The following DCAF8L2 variants were observed in gnomAD, a reference collection of about 807,000 sequenced individuals.
The protein encoded by DCAF8L2 is DDB1 and CUL4 associated factor 8 like 2, also known as DDB1- and CUL4-associated factor 8-like protein 2.
For synonymous variants in DCAF8L2, 200 were observed against 190.9 expected (o/e 1.05, Z -0.39); for missense variants, 430 against 490.7 (o/e 0.88, Z 1.17).
chrX:27,730,410 T>G (rs1214865692), intron 4 of DCAF8L2, among the ~76,000 whole-genome samples: 1 of 111,710 alleles, frequency 9.0e-6, no homozygotes, highest in Non-Finnish European at 1.9e-5. Flanking sequence ...CTTATATCAC[T>G]GAATCACATA....
intron 4 of DCAF8L2, among the ~76,000 whole-genome samples, chrX:27,745,552 C>T (rs893805060): frequency 1.8e-5 from 2 of 112,159 alleles, no homozygotes; most frequent in Admixed American, 1.9e-4. Context: ...CTAGACTTTA[C>T]AAGTTGCTAT....
chrX:27,533,234 G>GAA, the DCAF8L2 span, among the ~76,000 whole-genome samples: 2,328 of 30,859 alleles, frequency 0.075, 277 homozygotes, highest in Non-Finnish European at 0.15. Flanking sequence ...AAGAAAGAAA[G>GAA]AGAAAGAAAG....
intron 2 of DCAF8L2, among the ~76,000 whole-genome samples, chrX:27,674,390 T>G (rs1930069681): frequency 1.8e-5 from 2 of 111,498 alleles, no homozygotes; most frequent in Non-Finnish European, 3.8e-5. Context: ...GTGGGCTTTT[T>G]CTGCTTAGAC....
intron 2 of DCAF8L2, among the ~76,000 whole-genome samples, chrX:27,672,756 A>C (rs1929992888): frequency 8.9e-6 from 1 of 112,443 alleles, no homozygotes; most frequent in Admixed American, 9.5e-5. Context: ...TATATTTGAT[A>C]AATAAAATCC....
At chrX:27,486,007 C>G in the DCAF8L2 span, among the ~76,000 whole-genome samples, 5 of 89,024 alleles carry the variant, frequency 5.6e-5, no homozygotes, top group Non-Finnish European at 8.6e-5. Flanking sequence ...ATGTTCCACT[C>G]TAGATTTTTT....
At chrX:27,670,146 A>G (rs187991539) in intron 2 of DCAF8L2, among the ~76,000 whole-genome samples, 92 of 101,150 alleles carry the variant, frequency 9.1e-4, no homozygotes, top group African/African-American at 3.0e-3. Context: ...TGTGACTACC[A>G]TACTTCCTGA....
the DCAF8L2 span, among the ~76,000 whole-genome samples, chrX:27,531,153 A>G: frequency 8.9e-6 from 1 of 112,105 alleles, no homozygotes; most frequent in East Asian, 2.8e-4. Flanking sequence ...TGGGTAATTT[A>G]TAAAGGAAAG....
At chrX:27,550,677 C>A in the DCAF8L2 span, among the ~76,000 whole-genome samples, 3 of 111,341 alleles carry the variant, frequency 2.7e-5, no homozygotes, top group Non-Finnish European at 5.7e-5. Flanking sequence ...CTCTCTCCAT[C>A]TTCCCTCCCC....
chrX:27,732,890 G>T (rs989405277), intron 4 of DCAF8L2, among the ~76,000 whole-genome samples: 6 of 110,665 alleles, frequency 5.4e-5, no homozygotes, highest in African/African-American at 2.0e-4. Context: ...AAGGAGTCTC[G>T]CTCTGTTGCC....
the DCAF8L2 span, among the ~76,000 whole-genome samples, chrX:27,550,981 C>T: frequency 2.8e-5 from 3 of 108,400 alleles, no homozygotes; most frequent in Admixed American, 1.0e-4. Context: ...TTATGGTGAC[C>T]TGTGATCATT....
chrX:27,479,424 G>A, the DCAF8L2 span, among the ~76,000 whole-genome samples: 1 of 111,354 alleles, frequency 9.0e-6, no homozygotes, highest in Non-Finnish European at 1.9e-5. Context: ...AATTAATTGT[G>A]TATTGTTTTA....
chrX:27,708,484 C>T (rs900731387), intron 3 of DCAF8L2, among the ~76,000 whole-genome samples: 6 of 111,802 alleles, frequency 5.4e-5, no homozygotes, highest in East Asian at 5.6e-4. Context: ...ATGGGAGTTT[C>T]GCCTTTCTGT....
the DCAF8L2 span, among the ~76,000 whole-genome samples, chrX:27,504,530 A>C: frequency 1.4e-4 from 16 of 111,559 alleles, no homozygotes; most frequent in South Asian, 5.2e-3. Flanking sequence ...TGGGCCAATC[A>C]GTCCATGAAA....
chrX:27,584,013 C>A, the DCAF8L2 span, among the ~76,000 whole-genome samples: 1 of 111,930 alleles, frequency 8.9e-6, no homozygotes, highest in Non-Finnish European at 1.9e-5. Context: ...TCTGTGCTTG[C>A]ACTATAGCAG....
intron 3 of DCAF8L2, among the ~76,000 whole-genome samples, chrX:27,685,584 A>T (rs778008839): frequency 8.9e-6 from 1 of 112,028 alleles, no homozygotes; most frequent in Admixed American, 9.5e-5. Flanking sequence ...ATAAACTCTA[A>T]ATGGTTTAAA....
At chrX:27,502,335 A>AAT in the DCAF8L2 span, among the ~76,000 whole-genome samples, 204 of 12,656 alleles carry the variant, frequency 0.016, 9 homozygotes, top group Admixed American at 0.034. Flanking sequence ...AAAAAAAAAA[A>AAT]ATATATATAT....
chrX:27,646,672 T>G (rs1253477855), intron 2 of DCAF8L2, among the ~76,000 whole-genome samples: 1 of 111,215 alleles, frequency 9.0e-6, no homozygotes, highest in African/African-American at 3.3e-5. Flanking sequence ...GAAAAATGTT[T>G]AATATCCAGG....
intron 2 of DCAF8L2, among the ~76,000 whole-genome samples, chrX:27,657,377 T>C (rs1929393174): frequency 9.0e-6 from 1 of 111,212 alleles, no homozygotes; most frequent in Admixed American, 9.6e-5. Context: ...CATGTATTAT[T>C]GTTATCATTA....
At chrX:27,495,217 A>C in the DCAF8L2 span, among the ~76,000 whole-genome samples, 3 of 112,037 alleles carry the variant, frequency 2.7e-5, no homozygotes, top group East Asian at 8.4e-4. Context: ...AGTTGATCAA[A>C]AATGAATAGA....
Sources: gnomAD v4.1 joint callset for allele counts (sites outside exome capture counted in the v4.1 genomes callset) on GRCh38, gnomAD v4.1.1 for gene constraint, MANE v1.5 for transcripts, NCBI Gene and HGNC (gene_info 2026-07-23, HGNC 2026-07-21) for gene names.